Variants in CHRM2 observed in about 807,000 individuals in gnomAD.
CHRM2 encodes muscarinic acetylcholine receptor M2.
Under a neutral mutation model 25.0 loss-of-function variants are expected in CHRM2, and 8 were observed. The ratio of observed to expected loss-of-function variants is 0.32; its 90% CI spans 0.19 to 0.58. The LOEUF (loss-of-function observed/expected upper bound fraction) is 0.58. Among genes scored for constraint, CHRM2 ranks in the 20% least tolerant of loss-of-function variants. The probability of loss-of-function intolerance (pLI) is 0.88; values close to 1 mark genes in which losing one functional copy is unlikely to be tolerated. For synonymous variants in CHRM2, 202 were observed against 205.7 expected (o/e 0.98, Z 0.15); for missense variants, 440 against 567.1 (o/e 0.78, Z 2.28).
chr7:136,888,304 C>T (rs1468493599), intron 2 of CHRM2, among the ~76,000 whole-genome samples: 3 of 152,172 alleles, frequency 2.0e-5, no homozygotes, highest in Non-Finnish European at 4.4e-5. Context: ...GTGATGTCTG[C>T]TAAACGTACA....
chr7:137,005,329 C>T (rs1412455191), intron 3 of CHRM2, among the ~76,000 whole-genome samples: 2 of 152,126 alleles, frequency 1.3e-5, no homozygotes, highest in Non-Finnish European at 2.9e-5. Context: ...TAAGTAGAGA[C>T]ATGCTTAAAA....
intron 3 of CHRM2, among the ~76,000 whole-genome samples, chr7:137,005,220 A>T (rs1804344764): frequency 6.6e-6 from 1 of 152,132 alleles, no homozygotes; most frequent in Non-Finnish European, 1.5e-5. Flanking sequence ...TAATAATAGC[A>T]TGTCTACAAA....
chr7:136,946,953 T>C (rs1192262939), intron 2 of CHRM2, among the ~76,000 whole-genome samples: 1 of 152,162 alleles, frequency 6.6e-6, no homozygotes, highest in Non-Finnish European at 1.5e-5. Flanking sequence ...GAAGAATTAT[T>C]GCTGTTACTT....
intron 2 of CHRM2, among the ~76,000 whole-genome samples, chr7:136,896,308 A>G (rs577876249): frequency 6.6e-6 from 1 of 152,254 alleles, no homozygotes; most frequent in African/African-American, 2.4e-5. Context: ...CTGTCCCACA[A>G]ATTTCTGATT....
rs1417354103 is a variant in CHRM2, at chr7:137,014,976, C to G, written c.111C>G (p.Thr37=). Residue 37 remains threonine, a synonymous_variant, in exon 4 of 4, where the codon ACC becomes ACG. Transcript: ENST00000680005. The part of the protein sequence containing the change: ...VLVAGSLSLV[T]IIGNILVMVS... ...TGGCTGGATCCCTCAGTTTGGTGAC[C>G]ATTATCGGGAACATCCTAGTCATGG... 1.2e-6 allele frequency: 2 copies of G among 1,613,224 alleles called. No homozygotes were observed. Among genetic ancestry groups the G allele is most frequent in the Admixed American group, 3.3e-5 (2 of 59,918 alleles).
At chr7:136,928,241 C>A (rs962005711) in intron 2 of CHRM2, among the ~76,000 whole-genome samples, 13 of 152,108 alleles carry the variant, frequency 8.5e-5, no homozygotes, top group African/African-American at 3.1e-4. Flanking sequence ...GGTATCAAAT[C>A]CAAAAATTCT....
intron 2 of CHRM2, among the ~76,000 whole-genome samples, chr7:136,890,689 G>GT (rs546381197): frequency 7.2e-5 from 11 of 152,186 alleles, no homozygotes; most frequent in Non-Finnish European, 1.3e-4. Flanking sequence ...GTTTGCCCAA[G>GT]TGAGGGAGGC....
At chr7:136,980,054 A>T (rs970218718) in intron 2 of CHRM2, among the ~76,000 whole-genome samples, 3 of 152,100 alleles carry the variant, frequency 2.0e-5, no homozygotes, top group African/African-American at 7.2e-5. Context: ...CATTTTCATG[A>T]TATTGATTCT....
At chr7:136,949,296 A>G (rs1800249450) in intron 2 of CHRM2, among the ~76,000 whole-genome samples, 2 of 152,112 alleles carry the variant, frequency 1.3e-5, no homozygotes, top group South Asian at 4.1e-4. Context: ...TATTTCTTCC[A>G]TAATTATTAA....
chr7:136,938,964 G>T (rs865824553), intron 2 of CHRM2, among the ~76,000 whole-genome samples: 8 of 76,854 alleles, frequency 1.0e-4, no homozygotes, highest in African/African-American at 2.3e-4. Flanking sequence ...AAAAAAAAAA[G>T]AGTGCTTGTG....
chr7:136,913,456 A>T (rs527690348), intron 2 of CHRM2, among the ~76,000 whole-genome samples: 2 of 152,038 alleles, frequency 1.3e-5, no homozygotes, highest in Non-Finnish European at 2.9e-5. Flanking sequence ...TCTAGTTTTG[A>T]GGAGATATTT....
chr7:136,943,063 C>T (rs1799865915), intron 2 of CHRM2, among the ~76,000 whole-genome samples: 1 of 152,092 alleles, frequency 6.6e-6, no homozygotes, highest in Admixed American at 6.6e-5. Context: ...TAACAGTCAG[C>T]CATTTAGCCT....
intron 2 of CHRM2, chr7:136,871,271 C>A (rs1448432447): frequency 1.3e-5 from 2 of 152,702 alleles, no homozygotes; most frequent in Non-Finnish European, 2.9e-5. Context: ...GAAAACGGGC[C>A]GGGCTGTGCG....
chr7:136,930,897 T>TTAAAAAAAAAAAAAAAAA, intron 2 of CHRM2, among the ~76,000 whole-genome samples: 1 of 33,970 alleles, frequency 2.9e-5, no homozygotes, highest in Non-Finnish European at 5.3e-5. Flanking sequence ...ACTCATTCTC[T>TTAAAAAAAAAAAAAAAAA]CAAAAAAAAA....
chr7:136,965,905 A>AGGGG (rs1801386161), intron 2 of CHRM2, among the ~76,000 whole-genome samples: 1 of 152,152 alleles, frequency 6.6e-6, no homozygotes, highest in African/African-American at 2.4e-5. Context: ...GACAAAAAAA[A>AGGGG]AGAAAGCCAA....
At chr7:136,973,938 G>A (rs1190648758) in intron 2 of CHRM2, among the ~76,000 whole-genome samples, 1 of 152,140 alleles carries the variant, frequency 6.6e-6, no homozygotes, top group Non-Finnish European at 1.5e-5. Context: ...TTTACAGACA[G>A]AATTATACTA....
At chr7:136,959,079 C>G (rs995781655) in intron 2 of CHRM2, among the ~76,000 whole-genome samples, 6 of 152,144 alleles carry the variant, frequency 3.9e-5, no homozygotes, top group African/African-American at 1.4e-4. Flanking sequence ...GGGATAGGCA[C>G]CAATATCATG....
intron 2 of CHRM2, among the ~76,000 whole-genome samples, chr7:136,975,049 G>A (rs1354291803): frequency 6.6e-6 from 1 of 152,164 alleles, no homozygotes; most frequent in Non-Finnish European, 1.5e-5. Context: ...ACATGGCATG[G>A]AACAGTGCAA....
intron 3 of CHRM2, among the ~76,000 whole-genome samples, chr7:136,996,323 C>T (rs1803602223): frequency 6.6e-6 from 1 of 151,790 alleles, no homozygotes; most frequent in South Asian, 2.1e-4. Flanking sequence ...TATAAAAAGA[C>T]AAAGGGTACA....
Sources: allele counts gnomAD v4.1 joint callset (sites outside exome capture counted in the v4.1 genomes callset), GRCh38; gene constraint gnomAD v4.1.1; transcripts MANE v1.5; gene names NCBI Gene and HGNC (gene_info 2026-07-23, HGNC 2026-07-21).